The following C2CD3 variants were observed in gnomAD, a reference collection of about 807,000 sequenced individuals.
C2CD3 encodes C2 domain containing 3 centriole elongation regulator.
Under a neutral mutation model 234.0 loss-of-function variants are expected in C2CD3, and 148 were observed. The ratio of observed to expected loss-of-function variants is 0.63; its 90% confidence interval spans 0.55 to 0.72. The LOEUF is 0.72. Among genes scored for constraint, C2CD3 ranks in the 30% least tolerant of loss-of-function variants. The pLI is 0.00. For synonymous variants in C2CD3, 1,000 were observed against 1,035.4 expected (o/e 0.97, Z 0.66); for missense variants, 2,577 against 2,811.5 (o/e 0.92, Z 1.89).
intron 7 of C2CD3, among the ~76,000 whole-genome samples, chr11:74,126,921 G>T (rs981871584): frequency 6.6e-6 from 1 of 152,044 alleles, no homozygotes; most frequent in African/African-American, 2.4e-5. Context: ...CAGCCCTAAG[G>T]AACTATTAAT....
Position 74,054,686 on chromosome 11 carries a change from A to C in C2CD3, c.5091-15T>G, listed in dbSNP as rs117181508. The C allele has an allele frequency of 0.016, 24,510 of 1,568,938 alleles. 415 individuals are homozygous for C. The highest frequency in any genetic ancestry group is 0.093 in the East Asian group (4,128 of 44,620). On this transcript the variant is annotated splice_polypyrimidine_tract_variant and intron_variant, in intron 25 of 32. Coordinates refer to ENST00000334126, the MANE Select transcript of C2CD3 (RefSeq NM_001286577.2). ...CTTTTGATAGCCTATTAAGAAAAAC[A>C]ACCACTGTAAACTAAATGTATAGGA...
chr11:74,072,716 C>CT (rs11404083), intron 24 of C2CD3, among the ~76,000 whole-genome samples: 73,553 of 151,044 alleles, frequency 0.49, 17,830 homozygotes, highest in Non-Finnish European at 0.49. Flanking sequence ...TTTGTCTGTC[C>CT]TTTTTTTTTA....
chr11:74,085,048 C>T (rs1955578624), intron 21 of C2CD3, 78 bp from the exon 22 acceptor site: 3 of 757,264 alleles, frequency 4.0e-6, no homozygotes, highest in Non-Finnish European at 6.9e-6. Flanking sequence ...ATCCACACAA[C>T]CCTCCCCTTA....
chr11:74,117,363 T>TATATATAA (rs1491586658), intron 9 of C2CD3, among the ~76,000 whole-genome samples: 7 of 15,272 alleles, frequency 4.6e-4, no homozygotes, highest in Non-Finnish European at 6.7e-4. Context: ...TGGCCTCAAA[T>TATATATAA]ATATATATAT....
At chr11:74,044,718 C>A (rs1953270932) in intron 28 of C2CD3, among the ~76,000 whole-genome samples, 2 of 152,038 alleles carry the variant, frequency 1.3e-5, no homozygotes, top group African/African-American at 4.8e-5. Context: ...TTTCTCCTTC[C>A]TTTAGTAGTC....
intron 28 of C2CD3, 87 bp from the exon 29 acceptor site, chr11:74,042,305 T>A: frequency 7.5e-7 from 1 of 1,327,702 alleles, no homozygotes; most frequent in Non-Finnish European, 1.0e-6. Flanking sequence ...AACAAATCAC[T>A]ATCCTGAAAT....
At chr11:74,122,158 G>A (rs761912014) in intron 8 of C2CD3, among the ~76,000 whole-genome samples, 9 of 152,136 alleles carry the variant, frequency 5.9e-5, no homozygotes, top group Non-Finnish European at 7.3e-5. Context: ...TGGGTCCCTT[G>A]TAGCGCAAAA....
rs1955518434 is a variant in C2CD3, at chr11:74,083,938, A to G, written c.4000+943T>C. The stretch of plus-strand genomic sequence containing the variant: ...TACCATTTGACCCAGCCATCCCATG[A>G]CTGGGTATATACCCAAAGGATTATA... On this transcript the variant is annotated intron_variant, in intron 22 of 32. Coordinates refer to ENST00000334126, the MANE Select transcript of C2CD3 (RefSeq NM_001286577.2). 4.6e-5 allele frequency among the ~76,000 whole-genome samples: 7 copies of G among 152,316 alleles called. No homozygotes were observed. The South Asian group carries it at 1.5e-3, about 32-fold the overall frequency.
At chr11:74,108,687 T>A (rs1273609335) in intron 12 of C2CD3, among the ~76,000 whole-genome samples, 1 of 152,144 alleles carries the variant, frequency 6.6e-6, no homozygotes, top group African/African-American at 2.4e-5. Flanking sequence ...TTTGGGATGG[T>A]GTCCTGGCTC....
intron 22 of C2CD3, among the ~76,000 whole-genome samples, chr11:74,082,252 A>G (rs2135470913): frequency 6.6e-6 from 1 of 151,354 alleles, no homozygotes; most frequent in East Asian, 2.0e-4. Context: ...AGTAGCTGGG[A>G]CCACAGGCGC....
chr11:74,054,744 A>G (rs1482668922), intron 25 of C2CD3, 73 bp from the exon 26 acceptor site: 1 of 1,006,912 alleles, frequency 9.9e-7, no homozygotes, highest in East Asian at 2.5e-5. Context: ...GATTTGAAGA[A>G]TATCTTGTAA....
At chr11:74,066,161 G>A (rs1441029235) in intron 24 of C2CD3, among the ~76,000 whole-genome samples, 1 of 148,472 alleles carries the variant, frequency 6.7e-6, no homozygotes. Context: ...CATGGATGAA[G>A]CTAGAAACCA....
At chr11:74,168,034 C>T (rs1424443409) in intron 2 of C2CD3, 1 of 237,070 alleles carries the variant, frequency 4.2e-6, no homozygotes, top group African/African-American at 2.3e-5. Flanking sequence ...CTAATTCAGC[C>T]ATTTATCAAC....
chr11:74,125,974 T>C (rs1489865802), intron 7 of C2CD3, among the ~76,000 whole-genome samples: 1 of 152,194 alleles, frequency 6.6e-6, no homozygotes, highest in African/African-American at 2.4e-5. Context: ...CTCTTCTGTG[T>C]TGTAGCCCCT....
At chr11:74,055,161 T>C (rs1249734601) in intron 25 of C2CD3, among the ~76,000 whole-genome samples, 1 of 152,216 alleles carries the variant, frequency 6.6e-6, no homozygotes, top group Non-Finnish European at 1.5e-5. Context: ...TTATCCTTAT[T>C]TTACAGATGA....
chr11:74,163,846 T>C (rs1379029097), intron 2 of C2CD3, among the ~76,000 whole-genome samples: 1 of 152,194 alleles, frequency 6.6e-6, no homozygotes, highest in Non-Finnish European at 1.5e-5. Flanking sequence ...TATAAAATGA[T>C]GTACACATGA....
chr11:74,055,224 A>G (rs1424812626), intron 25 of C2CD3, among the ~76,000 whole-genome samples: 1 of 152,250 alleles, frequency 6.6e-6, no homozygotes, highest in African/African-American at 2.4e-5. Context: ...CTTAAGAGTC[A>G]GTAAGTAGTA....
At chr11:74,109,401 T>A (rs1203037016) in intron 11 of C2CD3, 3 of 397,590 alleles carry the variant, frequency 7.5e-6, no homozygotes, top group Admixed American at 9.2e-5. Flanking sequence ...GAGAAATGAA[T>A]GTCAATCATA....
chr11:74,020,117 T>C (rs1469597764), intron 32 of C2CD3, among the ~76,000 whole-genome samples: 2 of 152,196 alleles, frequency 1.3e-5, no homozygotes. Flanking sequence ...CAGGGGCCCA[T>C]TCATGATGTG....
Sources: gnomAD v4.1 joint callset for allele counts (sites outside exome capture counted in the v4.1 genomes callset) on GRCh38, gnomAD v4.1.1 for gene constraint, MANE v1.5 for transcripts, NCBI Gene and HGNC (gene_info 2026-07-23, HGNC 2026-07-21) for gene names.